GALNT13: variants seen among roughly 807,000 people sequenced by gnomAD.
The protein encoded by GALNT13 is polypeptide N-acetylgalactosaminyltransferase 13, also known as UDP-GalNAc:polypeptide N-acetylgalactosaminyltransferase 13.
A neutral mutation model predicts 64.2 loss-of-function variants in GALNT13; 28 were observed. The ratio of observed to expected loss-of-function variants is 0.44; its 90% CI spans 0.32 to 0.60. The LOEUF is 0.60. GALNT13 is among the 20% of genes least tolerant of loss of function. The pLI is 0.05. For missense variants in GALNT13, 577 were observed against 669.8 expected (o/e 0.86, Z 1.53); for synonymous variants, 214 against 224.6 (o/e 0.95, Z 0.42).
At chr2:153,250,688 AT>A in the GALNT13 span, among the ~76,000 whole-genome samples, 17 of 152,356 alleles carry the variant, frequency 1.1e-4, no homozygotes, top group Non-Finnish European at 2.2e-4. Context: ...ACACCATGAA[AT>A]ATTATACAGC....
the GALNT13 span, among the ~76,000 whole-genome samples, chr2:153,753,182 C>A: frequency 6.6e-6 from 1 of 152,218 alleles, no homozygotes; most frequent in East Asian, 1.9e-4. Context: ...TTCCTCAACA[C>A]AAGTATCTTG....
chr2:153,438,150 G>T, the GALNT13 span, among the ~76,000 whole-genome samples: 1 of 152,240 alleles, frequency 6.6e-6, no homozygotes, highest in Non-Finnish European at 1.5e-5. Context: ...GTTGAATATT[G>T]GCCCCCACTC....
At chr2:153,518,042 G>A in the GALNT13 span, among the ~76,000 whole-genome samples, 1 of 152,112 alleles carries the variant, frequency 6.6e-6, no homozygotes, top group East Asian at 1.9e-4. Context: ...CATCTTTATG[G>A]TGCTGAGAAA....
chr2:153,955,004 A>C (rs1331637996), intron 3 of GALNT13, among the ~76,000 whole-genome samples: 2 of 151,996 alleles, frequency 1.3e-5, no homozygotes, highest in Non-Finnish European at 2.9e-5. Flanking sequence ...AAAAAAAAAA[A>C]GTCTTATTTA....
At chr2:154,303,381 A>AGACT (rs1693555272) in intron 9 of GALNT13, among the ~76,000 whole-genome samples, 1 of 152,076 alleles carries the variant, frequency 6.6e-6, no homozygotes. Context: ...TTATGCAAAT[A>AGACT]GACTTTCCAC....
the GALNT13 span, among the ~76,000 whole-genome samples, chr2:153,086,792 T>C: frequency 6.6e-6 from 1 of 152,038 alleles, no homozygotes; most frequent in Non-Finnish European, 1.5e-5. Flanking sequence ...TCCATCACTG[T>C]TGGTGTATAG....
intron 3 of GALNT13, among the ~76,000 whole-genome samples, chr2:154,046,376 C>A (rs957542311): frequency 6.6e-5 from 10 of 152,056 alleles, no homozygotes; most frequent in African/African-American, 9.7e-5. Context: ...AAACACATTT[C>A]AAGTTGGGTC....
chr2:154,242,377 C>A (rs907207586), intron 5 of GALNT13, among the ~76,000 whole-genome samples, 181 bp downstream of exon 5: 5 of 152,114 alleles, frequency 3.3e-5, no homozygotes, highest in Non-Finnish European at 7.4e-5. Context: ...TTAATGCCAA[C>A]TCTAGAAGCA....
chr2:153,772,332 T>C, the GALNT13 span, among the ~76,000 whole-genome samples: 1 of 152,230 alleles, frequency 6.6e-6, no homozygotes, highest in Non-Finnish European at 1.5e-5. Context: ...TTCCTCTGCC[T>C]GTCTCCTCAA....
the GALNT13 span, among the ~76,000 whole-genome samples, chr2:153,098,900 G>T: frequency 6.6e-6 from 1 of 152,170 alleles, no homozygotes; most frequent in Admixed American, 6.5e-5. Context: ...GCCTGTGAGA[G>T]ATAGCCTCTT....
At chr2:153,753,721 C>G in the GALNT13 span, among the ~76,000 whole-genome samples, 1 of 152,300 alleles carries the variant, frequency 6.6e-6, no homozygotes, top group African/African-American at 2.4e-5. Flanking sequence ...TGGCTACTGC[C>G]TATGTTCACT....
chr2:154,360,872 A>G (rs1010714005), intron 9 of GALNT13, among the ~76,000 whole-genome samples: 1 of 152,094 alleles, frequency 6.6e-6, no homozygotes, highest in African/African-American at 2.4e-5. Flanking sequence ...ATCCAGCCAA[A>G]AAGGGTTGAG....
At chr2:153,904,874 A>G (rs1396414460) in intron 2 of GALNT13, among the ~76,000 whole-genome samples, 2 of 151,842 alleles carry the variant, frequency 1.3e-5, no homozygotes, top group Admixed American at 6.6e-5. Context: ...AGTTCTAGAT[A>G]TCCAGTTGTT....
chr2:153,828,485 C>T, the GALNT13 span, among the ~76,000 whole-genome samples: 1 of 152,178 alleles, frequency 6.6e-6, no homozygotes, highest in African/African-American at 2.4e-5. Flanking sequence ...CCTCTGAAGC[C>T]AGGGCCCAAG....
chr2:153,319,511 T>G, the GALNT13 span, among the ~76,000 whole-genome samples: 1 of 152,294 alleles, frequency 6.6e-6, no homozygotes, highest in South Asian at 2.1e-4. Context: ...GCTCCTGACC[T>G]CAAGGAATCC....
the GALNT13 span, among the ~76,000 whole-genome samples, chr2:153,730,048 C>G: frequency 1.3e-5 from 2 of 151,962 alleles, no homozygotes; most frequent in Admixed American, 1.3e-4. Context: ...CAACACCTAT[C>G]AAATTACCAA....
intron 10 of GALNT13, among the ~76,000 whole-genome samples, chr2:154,407,503 C>A (rs547896533): frequency 1.3e-5 from 2 of 152,248 alleles, no homozygotes; most frequent in Admixed American, 1.3e-4. Context: ...TCTCCAGCTG[C>A]AGGTCCTGAA....
chr2:153,938,031 T>G (rs549000660), intron 2 of GALNT13, among the ~76,000 whole-genome samples: 9 of 152,208 alleles, frequency 5.9e-5, no homozygotes, highest in African/African-American at 1.9e-4. Context: ...TGAAGAGAGG[T>G]GTATGGTGAA....
the GALNT13 span, among the ~76,000 whole-genome samples, chr2:153,509,900 G>C: frequency 6.6e-6 from 1 of 152,144 alleles, no homozygotes; most frequent in East Asian, 1.9e-4. Context: ...AAAATTTTTA[G>C]ATACAGGGCC....
Sources: allele counts gnomAD v4.1 joint callset (sites outside exome capture counted in the v4.1 genomes callset), GRCh38; gene constraint gnomAD v4.1.1; transcripts MANE v1.5; gene names NCBI Gene and HGNC (gene_info 2026-07-23, HGNC 2026-07-21).